VGLL4: variants seen among roughly 807,000 people sequenced by gnomAD.
VGLL4 encodes the protein vestigial like family member 4.
A neutral mutation model predicts 21.0 loss-of-function variants in VGLL4; 7 were observed. The observed-to-expected ratio is 0.33, with a 90% CI of 0.19 to 0.63. VGLL4 has a LOEUF of 0.63. VGLL4 is among the 20% of genes least tolerant of loss of function. The pLI is 0.78. For missense variants in VGLL4, 394 were observed against 425.7 expected (o/e 0.93, Z 0.66); for synonymous variants, 222 against 173.2 (o/e 1.28, Z -2.21).
intron 1 of VGLL4, among the ~76,000 whole-genome samples, chr3:11,708,715 T>C (rs1177317685): frequency 6.6e-6 from 1 of 152,362 alleles, no homozygotes; most frequent in South Asian, 2.1e-4. Context: ...TCTATCCCAA[T>C]AATGTCTTAT....
intron 2 of VGLL4, among the ~76,000 whole-genome samples, chr3:11,665,739 C>G (rs1263756772): frequency 6.6e-6 from 1 of 152,268 alleles, no homozygotes; most frequent in African/African-American, 2.4e-5. Context: ...AGGCACTGTG[C>G]TAGGCACTGG....
chr3:11,660,621 G>T lies in VGLL4; in HGVS notation c.64+42350C>A, dbSNP rs199742562. 1.6e-4 allele frequency among the ~76,000 whole-genome samples: 24 copies of T among 152,180 alleles called. No homozygotes were observed. The East Asian group carries it at 4.1e-3, about 26-fold the overall frequency. ...AGTTTCAAAATTTTAGTTTTACTTT[G>T]TAAGTTTCAGCATATCTCTATCCCA... On this transcript the variant is annotated intron_variant, in intron 2 of 5. Transcript: ENST00000273038.
At chr3:11,684,730 C>CTGTGTG (rs61220485) in intron 2 of VGLL4, among the ~76,000 whole-genome samples, 2,186 of 148,708 alleles carry the variant, frequency 0.015, 45 homozygotes, top group African/African-American at 0.037. Context: ...CAACCTTTTT[C>CTGTGTG]TGTGTGTGTG....
intron 2 of VGLL4, among the ~76,000 whole-genome samples, chr3:11,567,041 G>T (rs150064015): frequency 6.6e-6 from 1 of 152,140 alleles, no homozygotes; most frequent in African/African-American, 2.4e-5. Flanking sequence ...CGGCCCAGTC[G>T]GTGAGCTGCT....
intron 3 of VGLL4, among the ~76,000 whole-genome samples, chr3:11,563,661 C>T (rs1047049310): frequency 2.6e-5 from 4 of 152,208 alleles, no homozygotes; most frequent in African/African-American, 7.2e-5. Context: ...GACACATCAG[C>T]GATCTCTCCT....
Position 11,568,130 on chromosome 3 carries a change from C to T in VGLL4, c.273-3111G>A, listed in dbSNP as rs1012411769. On this transcript the variant is annotated intron_variant, in intron 2 of 4. Transcript: ENST00000430365. The surrounding 1 kb of genome is among the most constrained non-coding windows in gnomAD (Gnocchi z 5.9). ...AGCTCCCAAGTGACAGCTCTGGATC[C>T]GGGCAAGGATAAAGACACCCCCGGG... Among the ~76,000 whole-genome samples the T allele has an allele frequency of 6.6e-6, 1 of 152,144 alleles. No individual in the cohort carries two copies. Among genetic ancestry groups the T allele is most frequent in the Non-Finnish European group, 1.5e-5 (1 of 68,022 alleles).
intron 1 of VGLL4, among the ~76,000 whole-genome samples, chr3:11,716,891 T>C (rs2076925992): frequency 6.6e-6 from 1 of 152,088 alleles, no homozygotes; most frequent in Non-Finnish European, 1.5e-5. Context: ...CACCCATAGC[T>C]TCATTAACTT....
At chr3:11,600,672 C>A (rs1022274877) in intron 2 of VGLL4, among the ~76,000 whole-genome samples, 6 of 152,166 alleles carry the variant, frequency 3.9e-5, no homozygotes, top group Non-Finnish European at 8.8e-5. Context: ...CTGGAACGAG[C>A]GGAATGCGAG....
At chr3:11,589,563 C>T (rs1311670000) in intron 2 of VGLL4, among the ~76,000 whole-genome samples, 1 of 152,076 alleles carries the variant, frequency 6.6e-6, no homozygotes, top group African/African-American at 2.4e-5. Flanking sequence ...AAGTATGCTC[C>T]AAGGAATATT....
chr3:11,690,331 T>C lies in VGLL4; in HGVS notation c.64+12640A>G, dbSNP rs1188210198. Among the ~76,000 whole-genome samples the C allele has an allele frequency of 2.0e-5, 3 of 152,244 alleles. No individual in the cohort carries two copies. The East Asian group carries it at 5.8e-4, about 29-fold the overall frequency. On this transcript the variant is annotated intron_variant, in intron 2 of 5. Coordinates refer to the VGLL4 transcript ENST00000273038. ...ATACTATTACAGATGTTTTAAAATA[T>C]TTACCTTTTGTTATTTAAAAAGATT...
At chr3:11,705,166 C>A (rs143470439) in intron 1 of VGLL4, among the ~76,000 whole-genome samples, 2 of 152,226 alleles carry the variant, frequency 1.3e-5, no homozygotes, top group East Asian at 1.9e-4. Flanking sequence ...AGCAGAAAAG[C>A]GGCTTAGTCA....
intron 3 of VGLL4, among the ~76,000 whole-genome samples, chr3:11,564,577 C>T (rs2073350513): frequency 1.3e-5 from 2 of 151,832 alleles, no homozygotes; most frequent in South Asian, 4.1e-4. Context: ...AAGGCCCGGG[C>T]AGGTCTGGGC....
In VGLL4 at chr3:11,707,023, G is replaced by T. The variant is rs1368747501; in HGVS notation, c.-13-3976C>A. Among the ~76,000 whole-genome samples the T allele has an allele frequency of 1.3e-5, 2 of 152,084 alleles. 1 individual carries two copies. Among genetic ancestry groups the T allele is most frequent in the South Asian group, 4.1e-4 (2 of 4,822 alleles). On this transcript the variant is annotated intron_variant, in intron 1 of 5. Coordinates refer to the VGLL4 transcript ENST00000273038. The stretch of plus-strand genomic sequence containing the variant: ...ATGATGTTCACACTATTTTAGTTTA[G>T]AAGTTCCATGCGTCTAGGCATGTGG...
intron 1 of VGLL4, among the ~76,000 whole-genome samples, chr3:11,717,176 CTT>C (rs778656485): frequency 4.3e-5 from 6 of 139,818 alleles, no homozygotes; most frequent in Admixed American, 7.2e-5. Flanking sequence ...TATTTTTGTG[CTT>C]TTTTTTTTTT....
chr3:11,716,955 G>A (rs896383985), intron 1 of VGLL4, among the ~76,000 whole-genome samples: 1 of 152,022 alleles, frequency 6.6e-6, no homozygotes, highest in Non-Finnish European at 1.5e-5. Flanking sequence ...ATACCTCGAA[G>A]AAATTTCTTA....
chr3:11,643,738 GGTGT>G lies in VGLL4; in HGVS notation c.-224_-221del. ...ACCCTTCAAGGGCTTACTGGTAGAC[GGTGT>G]ATGTACTGTATCCCCGATCGAGTAT... On this transcript the variant is annotated 5_prime_UTR_variant, in exon 1 of 5. Transcript: ENST00000430365. 1 of 1,386,558 alleles carries G rather than the reference GGTGT, an allele frequency of 7.2e-7. No individual in the cohort carries two copies. The highest frequency in any genetic ancestry group is 9.3e-7 in the Non-Finnish European group (1 of 1,071,980). The allele number at this position is 1,386,558 out of a possible 1,614,324, so 85.9% of individuals were successfully genotyped here.
chr3:11,602,931 A>C (rs1052182090), intron 1 of VGLL4, among the ~76,000 whole-genome samples: 1 of 152,236 alleles, frequency 6.6e-6, no homozygotes, highest in Non-Finnish European at 1.5e-5. Flanking sequence ...GGGAGCACCT[A>C]AATTTTTCAC....
At chr3:11,595,589 A>C (rs2074617192) in intron 2 of VGLL4, among the ~76,000 whole-genome samples, 1 of 151,954 alleles carries the variant, frequency 6.6e-6, no homozygotes, top group South Asian at 2.1e-4. Flanking sequence ...ACCAACCCAA[A>C]TGTCCAACAA....
intron 2 of VGLL4, among the ~76,000 whole-genome samples, chr3:11,678,486 G>A (rs906702055): frequency 1.3e-4 from 20 of 152,196 alleles, no homozygotes; most frequent in Admixed American, 8.5e-4. Context: ...CTGCAGGAAC[G>A]CCACTCGTGG....
Sources: allele counts gnomAD v4.1 joint callset (sites outside exome capture counted in the v4.1 genomes callset), GRCh38; gene constraint gnomAD v4.1.1; non-coding constraint Gnocchi (gnomAD v3.1); transcripts MANE v1.5; gene names NCBI Gene and HGNC (gene_info 2026-07-23, HGNC 2026-07-21).